Variants in SLC24A2 observed in about 807,000 individuals in gnomAD.
SLC24A2 encodes the protein solute carrier family 24 member 2.
SLC24A2 carries 36 observed loss-of-function variants against 62.0 expected under a neutral mutation model. That is an observed-to-expected ratio of 0.58 (90% confidence interval 0.44 to 0.77). The LOEUF (loss-of-function observed/expected upper bound fraction) is 0.77. Ranked by LOEUF, SLC24A2 falls within the 30% of genes least tolerant of loss-of-function variation. SLC24A2 has a pLI of 0.00. For synonymous variants in SLC24A2, 358 were observed against 294.0 expected, an observed-to-expected ratio of 1.22 and a Z score of -2.23; for missense variants, 846 against 817.9, an observed-to-expected ratio of 1.03 and a Z score of -0.42.
chr9:19,568,725 T>C (rs1835750367), intron 7 of SLC24A2, among the ~76,000 whole-genome samples: 1 of 152,234 alleles, frequency 6.6e-6, no homozygotes. Flanking sequence ...ATTGCTCCTG[T>C]ATTCATTTAA....
At chr9:20,078,002 G>A in the SLC24A2 span, among the ~76,000 whole-genome samples, 7,661 of 152,196 alleles carry the variant, frequency 0.05, 254 homozygotes, top group African/African-American at 0.082. Flanking sequence ...GCAGATGCTG[G>A]TGAGGAGGGG....
chr9:19,709,996 C>T (rs898802204), intron 2 of SLC24A2, among the ~76,000 whole-genome samples: 5 of 152,154 alleles, frequency 3.3e-5, no homozygotes, highest in African/African-American at 1.2e-4. Context: ...CAGAAGGACT[C>T]AGTGGTTGTT....
At chr9:19,701,126 G>A (rs138923640) in intron 2 of SLC24A2, among the ~76,000 whole-genome samples, 165 of 152,332 alleles carry the variant, frequency 1.1e-3, no homozygotes, top group Admixed American at 1.8e-3. Context: ...TTTTGAGAAA[G>A]AGAACAACCC....
At chr9:19,788,521 AGAC>A in intron 1 of SLC24A2, 1 of 985,466 alleles carries the variant, frequency 1.0e-6, no homozygotes, top group Non-Finnish European at 1.2e-6. Flanking sequence ...TCTAAAGGAC[AGAC>A]GCCCCACCTG....
chr9:20,235,917 C>A, the SLC24A2 span, among the ~76,000 whole-genome samples: 2 of 152,146 alleles, frequency 1.3e-5, no homozygotes, highest in Non-Finnish European at 2.9e-5. Flanking sequence ...TGTCTTGAGC[C>A]TCACTGTAAG....
chr9:20,054,445 G>A, the SLC24A2 span, among the ~76,000 whole-genome samples: 2 of 152,142 alleles, frequency 1.3e-5, no homozygotes, highest in Non-Finnish European at 2.9e-5. Context: ...ACCTGCCTTG[G>A]TCTCCCAAAG....
At chr9:19,536,654 A>G (rs1234702081) in intron 8 of SLC24A2, among the ~76,000 whole-genome samples, 1 of 61,490 alleles carries the variant, frequency 1.6e-5, no homozygotes, top group Non-Finnish European at 3.0e-5. Context: ...TAATGCCACA[A>G]TAAACATACG....
intron 2 of SLC24A2, among the ~76,000 whole-genome samples, chr9:19,639,476 A>T (rs1011189985): frequency 6.6e-6 from 1 of 152,178 alleles, no homozygotes; most frequent in East Asian, 1.9e-4. Flanking sequence ...TGCCATTTGA[A>T]CAAGCCTGGG....
rs961401134 is a variant in SLC24A2, at chr9:19,513,877, A to G, written c.*2276T>C. 3.3e-5 allele frequency: 5 copies of G among 152,182 alleles called. No individual in the cohort carries two copies. The highest frequency in any genetic ancestry group is 1.2e-4 in the African/African-American group (5 of 41,430). The allele number at this position is 152,182 out of a possible 1,614,324, so 9.4% of individuals were successfully genotyped here. The stretch of plus-strand genomic sequence containing the variant: ...CACTTCCTCATTCTTTCACTCTCTA[A>G]GGAAGCAGGACAAATTCTTGCCCCA... On this transcript the variant is annotated 3_prime_UTR_variant, in exon 11 of 11. Transcript: ENST00000341998.
chr9:20,103,160 T>G, the SLC24A2 span, among the ~76,000 whole-genome samples: 1 of 152,142 alleles, frequency 6.6e-6, no homozygotes, highest in East Asian at 1.9e-4. Context: ...CACCCACCAT[T>G]GCCCAGGCTT....
At chr9:19,873,107 G>T in the SLC24A2 span, among the ~76,000 whole-genome samples, 1 of 152,152 alleles carries the variant, frequency 6.6e-6, no homozygotes, top group African/African-American at 2.4e-5. Flanking sequence ...AAGCAGTATG[G>T]CTTTAGTGGG....
chr9:20,044,912 G>C, the SLC24A2 span, among the ~76,000 whole-genome samples: 1 of 151,976 alleles, frequency 6.6e-6, no homozygotes, highest in Non-Finnish European at 1.5e-5. Context: ...GACTTACACA[G>C]GTTACATCTT....
At chr9:19,533,390 T>G (rs1419265761) in intron 8 of SLC24A2, among the ~76,000 whole-genome samples, 1 of 152,208 alleles carries the variant, frequency 6.6e-6, no homozygotes, top group Non-Finnish European at 1.5e-5. Context: ...CACAATACTT[T>G]GCTGCTCCTC....
the SLC24A2 span, among the ~76,000 whole-genome samples, chr9:19,795,440 C>G: frequency 1.3e-5 from 2 of 152,112 alleles, no homozygotes; most frequent in South Asian, 4.1e-4. Flanking sequence ...TAGGAAGACA[C>G]GTGACATATA....
At chr9:19,881,248 G>T in the SLC24A2 span, among the ~76,000 whole-genome samples, 8 of 152,120 alleles carry the variant, frequency 5.3e-5, no homozygotes, top group Non-Finnish European at 1.0e-4. Context: ...GATTGTAGGA[G>T]GAGGGGAAGA....
chr9:19,994,886 C>T, the SLC24A2 span, among the ~76,000 whole-genome samples: 1 of 152,148 alleles, frequency 6.6e-6, no homozygotes, highest in South Asian at 2.1e-4. Context: ...TACCAATATA[C>T]AGAGTGAGCG....
chr9:20,304,875 G>T, the SLC24A2 span, among the ~76,000 whole-genome samples: 49,570 of 151,156 alleles, frequency 0.33, 8,566 homozygotes, highest in Middle Eastern at 0.5. Flanking sequence ...AGACACGTAT[G>T]AGCTCACCTG....
chr9:19,573,527 CACAGAGAGAGAG>C (rs1304457850), intron 6 of SLC24A2, 58 bp from the exon 7 acceptor site: 24 of 365,868 alleles, frequency 6.6e-5, no homozygotes, highest in African/African-American at 4.7e-4. Flanking sequence ...CACACACACA[CACAGAGAGAGAG>C]AGAGAGAGAG....
chr9:20,294,437 A>G, the SLC24A2 span, among the ~76,000 whole-genome samples: 8,128 of 152,162 alleles, frequency 0.053, 444 homozygotes, highest in South Asian at 0.25. Context: ...CACTCAACTA[A>G]CCAGCCTGGG....
Sources: allele counts gnomAD v4.1 joint callset (sites outside exome capture counted in the v4.1 genomes callset), GRCh38; gene constraint gnomAD v4.1.1; transcripts MANE v1.5; gene names NCBI Gene and HGNC (gene_info 2026-07-23, HGNC 2026-07-21).